PLEKHA5: variants seen among roughly 807,000 people sequenced by gnomAD.
PLEKHA5 encodes the protein pleckstrin homology domain containing A5, also known as pleckstrin homology domain-containing family A member 5.
Under a neutral mutation model 181.9 loss-of-function variants are expected in PLEKHA5, and 55 were observed. That is an observed-to-expected ratio of 0.30 (90% CI 0.24 to 0.38). PLEKHA5 has a LOEUF of 0.38. Among genes scored for constraint, PLEKHA5 ranks in the 10% least tolerant of loss-of-function variants. The probability of loss-of-function intolerance (pLI) is 1.00; values close to 1 mark genes in which losing one functional copy is unlikely to be tolerated. For synonymous variants in PLEKHA5, 535 were observed against 529.4 expected, an observed-to-expected ratio of 1.01 and a Z score of -0.15; for missense variants, 1,432 against 1,549.5, an observed-to-expected ratio of 0.92 and a Z score of 1.27.
At chr12:19,250,620 CT>C (rs1181791878) in intron 3 of PLEKHA5, among the ~76,000 whole-genome samples, 1 of 151,958 alleles carries the variant, frequency 6.6e-6, no homozygotes, top group Non-Finnish European at 1.5e-5. Flanking sequence ...AAAATAAAGA[CT>C]TGAATTTTAT....
At chr12:19,285,017 G>A (rs1428260461) in intron 12 of PLEKHA5, among the ~76,000 whole-genome samples, 3 of 152,174 alleles carry the variant, frequency 2.0e-5, no homozygotes, top group African/African-American at 7.2e-5. Context: ...TTCTTCAGCT[G>A]CGTTATTACC....
chr12:19,254,951 A>G (rs1389532940), intron 4 of PLEKHA5, 94 bp from the exon 5 acceptor site: 9 of 1,079,240 alleles, frequency 8.3e-6, no homozygotes, highest in Non-Finnish European at 9.1e-6. Context: ...TACTGTGAAA[A>G]AGTAGGACAC....
intron 28 of PLEKHA5, among the ~76,000 whole-genome samples, chr12:19,360,702 T>A (rs1405311074): frequency 1.3e-5 from 2 of 152,184 alleles, no homozygotes; most frequent in East Asian, 3.8e-4. Context: ...GATTAAATTA[T>A]CATTAATCCC....
At chr12:19,216,821 A>G (rs978806940) in intron 3 of PLEKHA5, among the ~76,000 whole-genome samples, 24 of 152,170 alleles carry the variant, frequency 1.6e-4, no homozygotes, top group Admixed American at 1.2e-3. Context: ...TGTGATTACT[A>G]TCTTCCAGAT....
At chr12:19,176,099 C>A (rs181919621) in intron 3 of PLEKHA5, among the ~76,000 whole-genome samples, 200 of 151,942 alleles carry the variant, frequency 1.3e-3, no homozygotes, top group Non-Finnish European at 2.4e-3. Context: ...AAATGTCTAA[C>A]AATTGACTTA....
intron 3 of PLEKHA5, among the ~76,000 whole-genome samples, chr12:19,177,989 C>T (rs936494081): frequency 6.6e-5 from 10 of 152,220 alleles, no homozygotes; most frequent in Non-Finnish European, 1.2e-4. Context: ...ATTGAGCATA[C>T]TGTTCCTTAT....
intron 3 of PLEKHA5, among the ~76,000 whole-genome samples, chr12:19,234,425 G>A (rs1349646758): frequency 8.5e-5 from 13 of 152,220 alleles, no homozygotes; most frequent in African/African-American, 1.2e-4. Flanking sequence ...TTCTGTAAAC[G>A]GTGGCTGTAT....
At chr12:19,240,681 A>C (rs564441137) in intron 3 of PLEKHA5, among the ~76,000 whole-genome samples, 8 of 151,580 alleles carry the variant, frequency 5.3e-5, no homozygotes, top group South Asian at 4.2e-4. Flanking sequence ...TTTATTGCCC[A>C]GGCTAGCCTC....
chr12:19,363,130 T>TG (rs1293416118), intron 29 of PLEKHA5, among the ~76,000 whole-genome samples: 167 of 150,556 alleles, frequency 1.1e-3, no homozygotes, highest in Middle Eastern at 0.01. Context: ...TTGTTTTTTT[T>TG]TTGTTGTTGT....
intron 3 of PLEKHA5, among the ~76,000 whole-genome samples, chr12:19,233,186 G>C (rs1004825099): frequency 6.6e-6 from 1 of 152,042 alleles, no homozygotes; most frequent in Admixed American, 6.6e-5. Context: ...TGAACAAATG[G>C]TATGTGCTAT....
At chr12:19,344,460 G>T (rs1451176360) in intron 22 of PLEKHA5, among the ~76,000 whole-genome samples, 3 of 152,142 alleles carry the variant, frequency 2.0e-5, no homozygotes, top group Non-Finnish European at 4.4e-5. Context: ...TAAGGGAACT[G>T]TAATATATTT....
Position 19,230,794 on chromosome 12 carries a change from G to C in PLEKHA5, c.228-23146G>C, listed in dbSNP as rs529722855. On this transcript the variant is annotated intron_variant, in intron 3 of 31. Transcript: ENST00000429027. ...GCTCCAGCCTTGGCCAGCCCAGAGA[G>C]GGGCTCCCACAGTGCAGTGGCAAGC... 2.6e-5 allele frequency among the ~76,000 whole-genome samples: 4 copies of C among 152,282 alleles called. No homozygotes were observed. The South Asian group carries it at 8.3e-4, about 32-fold the overall frequency.
chr12:19,210,513 C>G (rs2056694797), intron 3 of PLEKHA5, among the ~76,000 whole-genome samples: 2 of 152,178 alleles, frequency 1.3e-5, no homozygotes, highest in African/African-American at 4.8e-5. Context: ...TACAGCTTGT[C>G]TGCTGTCTAG....
chr12:19,162,568 A>G (rs906268432), intron 3 of PLEKHA5, among the ~76,000 whole-genome samples: 3 of 110,466 alleles, frequency 2.7e-5, no homozygotes, highest in Non-Finnish European at 7.2e-5. Context: ...GAAGTAAGTT[A>G]GCTTTAAAAA....
chr12:19,294,876 C>G (rs1179953813), intron 15 of PLEKHA5, among the ~76,000 whole-genome samples: 1 of 152,198 alleles, frequency 6.6e-6, no homozygotes, highest in African/African-American at 2.4e-5. Flanking sequence ...TTGATTCTCA[C>G]TGTCACCGTT....
intron 3 of PLEKHA5, among the ~76,000 whole-genome samples, chr12:19,206,647 CTT>C (rs1268684280): frequency 5.3e-5 from 8 of 152,022 alleles, no homozygotes; most frequent in African/African-American, 1.9e-4. Context: ...TTATGTGAGG[CTT>C]TCCTGAAATA....
At chr12:19,206,603 T>C (rs1303234507) in intron 3 of PLEKHA5, among the ~76,000 whole-genome samples, 1 of 152,222 alleles carries the variant, frequency 6.6e-6, no homozygotes, top group Non-Finnish European at 1.5e-5. Flanking sequence ...AGGAAGAGAC[T>C]ACTGAAAGCT....
At chr12:19,340,474 G>A (rs374211906) in intron 21 of PLEKHA5, among the ~76,000 whole-genome samples, 72 of 131,346 alleles carry the variant, frequency 5.5e-4, no homozygotes, top group Non-Finnish European at 7.3e-4. Flanking sequence ...CATTGAGAAC[G>A]GGCCATGATG....
chr12:19,190,992 A>G (rs1011209898), intron 3 of PLEKHA5, among the ~76,000 whole-genome samples: 8 of 152,220 alleles, frequency 5.3e-5, no homozygotes, highest in African/African-American at 1.7e-4. Context: ...TTAGTTTCCT[A>G]TGATGTAAAC....
Sources: allele counts gnomAD v4.1 joint callset (sites outside exome capture counted in the v4.1 genomes callset), GRCh38; gene constraint gnomAD v4.1.1; transcripts MANE v1.5; gene names NCBI Gene and HGNC (gene_info 2026-07-23, HGNC 2026-07-21).